Variants in FHIP2A observed in about 807,000 individuals in gnomAD.
The protein encoded by FHIP2A is family with sequence similarity 160 member B1.
Under a neutral mutation model 93.5 loss-of-function variants are expected in FHIP2A, and 46 were observed. The ratio of observed to expected loss-of-function variants is 0.49; its 90% CI spans 0.39 to 0.63. The LOEUF (loss-of-function observed/expected upper bound fraction) is 0.63, where lower values mean the gene tolerates loss of function less well. Ranked by LOEUF, FHIP2A falls within the 20% of genes least tolerant of loss-of-function variation. FHIP2A has a pLI of 0.00. For missense variants in FHIP2A, 769 were observed against 909.7 expected (o/e 0.85, Z 1.99); for synonymous variants, 332 against 326.5 (o/e 1.02, Z -0.18).
chr10:114,836,081 A>C, intron 4 of FHIP2A, 43 bp from the exon 5 acceptor site: 1 of 1,483,858 alleles, frequency 6.7e-7, no homozygotes, highest in South Asian at 1.3e-5. Context: ...AATTTGTAAA[A>C]AGTAGCCTAA....
intron 5 of FHIP2A, 61 bp downstream of exon 5, chr10:114,836,307 G>A (rs1421272766): frequency 4.7e-6 from 6 of 1,283,250 alleles, no homozygotes; most frequent in African/African-American, 1.5e-5. Flanking sequence ...TATGAAAATT[G>A]AATTATGTGA....
At chr10:114,871,613 T>C (rs1298152138) in intron 16 of FHIP2A, among the ~76,000 whole-genome samples, 1 of 152,202 alleles carries the variant, frequency 6.6e-6, no homozygotes, top group Non-Finnish European at 1.5e-5. Context: ...CAGAAACCTC[T>C]ATTACATAAT....
At chr10:114,877,541 C>T (rs537074439) in intron 16 of FHIP2A, among the ~76,000 whole-genome samples, 67 of 152,078 alleles carry the variant, frequency 4.4e-4, no homozygotes, top group African/African-American at 1.5e-3. Context: ...CATAGCGGTT[C>T]GGGCCCCACA....
rs758507614 is a variant in FHIP2A at position 114,845,420 on chromosome 10, C to T, written c.1067C>T (p.Ala356Val). 3 of 1,613,470 alleles carry T rather than the reference C, an allele frequency of 1.9e-6. No homozygotes were observed. The highest frequency in any genetic ancestry group is 2.5e-6 in the Non-Finnish European group (3 of 1,179,630). ...GCTTCAGCATTTCCAGGAAAACGAG[C>T]CTTAATTTCATTTCTTTCCTGGTTT... ...EDASAFPGKR[A>V]LISFLSWFDY... Residue 356 changes from alanine (A) to valine (V), a missense_variant, in exon 8 of 17, where the codon GCC (alanine) becomes GTC (valine). Physicochemically the swap from Ala to Val is moderately conservative, Grantham distance 64. Transcript: ENST00000369248.
chr10:114,864,046 C>A lies in FHIP2A; in HGVS notation c.*2506C>A. On this transcript the variant is annotated 3_prime_UTR_variant, in exon 17 of 17. Transcript: ENST00000369248. ...CTTTCTCGTAATGTATCTGTTTGTGCAATATGGAAGCTGTGAGTGGATTCA... is the reference window on the plus strand; with the variant it reads ...CTTTCTCGTAATGTATCTGTTTGTGAAATATGGAAGCTGTGAGTGGATTCA... 1 of 992,170 alleles carries A rather than the reference C, an allele frequency of 1.0e-6. No individual in the cohort carries two copies. Among genetic ancestry groups the A allele is most frequent in the Non-Finnish European group, 1.2e-6 (1 of 834,200 alleles). 61.5% of individuals were successfully genotyped at this position (992,170 alleles called of 1,614,324 possible).
chr10:114,863,919 G>A lies in FHIP2A; in HGVS notation c.*2379G>A, dbSNP rs1042915776. ...TTTTTTAAAACTTTCTAACAATATA[G>A]TCTTTGGATTTGTTTTTAGTTATGA... On this transcript the variant is annotated 3_prime_UTR_variant, in exon 17 of 17. Coordinates refer to ENST00000369248, the MANE Select transcript of FHIP2A (RefSeq NM_020940.4). The A allele has an allele frequency of 1.9e-6, 2 of 1,072,446 alleles. No individual in the cohort carries two copies. The highest frequency in any genetic ancestry group is 3.4e-5 in the African/African-American group (2 of 58,350). 66.4% of individuals were successfully genotyped at this position (1,072,446 alleles called of 1,614,324 possible). A position where few individuals can be genotyped will look rare whatever the true frequency, so the allele number is the denominator to read the frequency against.
chr10:114,899,516 A>G, exon 17 of FHIP2A: 1 of 718,514 alleles, frequency 1.4e-6, no homozygotes, highest in Non-Finnish European at 2.6e-6. Context: ...TGGTGGTAAG[A>G]GGGATTCCAG....
Position 114,846,728 on chromosome 10 carries a change from T to C in FHIP2A, c.1568T>C (p.Val523Ala). 1 of 1,588,194 alleles carries C rather than the reference T, an allele frequency of 6.3e-7. No homozygotes were observed. The highest frequency in any genetic ancestry group is 8.5e-7 in the Non-Finnish European group (1 of 1,171,594). The change falls in exon 11 of 17, where the codon GTA becomes GCA. Residue 523 changes from valine to alanine, a missense_variant and splice_region_variant. Physicochemically the swap from Val to Ala is moderately conservative, Grantham distance 64. Coordinates refer to ENST00000369248, the MANE Select transcript of FHIP2A (RefSeq NM_020940.4). Reference sequence around the variant, plus strand: ...GAAAATGGATTGATAGCAGGAGCAGTGTAAGTTTCCATCCAACTCCGTGAG... The same window carrying C: ...GAAAATGGATTGATAGCAGGAGCAGCGTAAGTTTCCATCCAACTCCGTGAG... ...VVENGLIAGAVDLEEDPLFTD... is the reference protein window; with the variant it reads ...VVENGLIAGAADLEEDPLFTD...
chr10:114,861,547 T>C lies in FHIP2A; in HGVS notation c.*7T>C. 2 of 1,612,538 alleles carry C rather than the reference T, an allele frequency of 1.2e-6. No individual in the cohort carries two copies. The highest frequency in any genetic ancestry group is 1.7e-6 in the Non-Finnish European group (2 of 1,179,852). On this transcript the variant is annotated 3_prime_UTR_variant, in exon 17 of 17. Coordinates refer to ENST00000369248, the MANE Select transcript of FHIP2A (RefSeq NM_020940.4). ...TGCTTCCTCCACACCATAAATAACA[T>C]CTTTCATGTAACTGGGGGAACAGAA...
chr10:114,864,420 T>A lies in FHIP2A; in HGVS notation c.*2880T>A. On this transcript the variant is annotated 3_prime_UTR_variant, in exon 17 of 17. Coordinates refer to ENST00000369248, the MANE Select transcript of FHIP2A (RefSeq NM_020940.4). ...TTATGTGTTAAAACATGGTAGATAA[T>A]CACATTTTCTGGGCCCTGTAAAATA... The A allele has an allele frequency of 3.0e-6, 3 of 985,812 alleles. No homozygotes were observed. The highest frequency in any genetic ancestry group is 3.6e-6 in the Non-Finnish European group (3 of 829,884). 61.1% of individuals were successfully genotyped at this position (985,812 alleles called of 1,614,324 possible).
Position 114,861,497 on chromosome 10 carries a change from C to T in FHIP2A, c.2255C>T (p.Ala752Val). Residue 752 changes from alanine (A) to valine (V), a missense_variant, in exon 17 of 17, where the codon GCG (alanine) becomes GTG (valine). By Grantham distance (64) the Ala-to-Val change is moderately conservative (BLOSUM62 0). Coordinates refer to ENST00000369248, the MANE Select transcript of FHIP2A (RefSeq NM_020940.4). ...TTAGAAGAGTTCTGTAAGGAGCTGG[C>T]GGCAATCGCATTTGTAAAATATCAT... is the stretch of plus-strand genomic sequence containing the variant. ...IVLEEFCKEL[A>V]AIAFVKYHAS... The T allele has an allele frequency of 6.2e-7, 1 of 1,613,922 alleles. No individual in the cohort carries two copies. The highest frequency in any genetic ancestry group is 8.5e-7 in the Non-Finnish European group (1 of 1,179,958).
chr10:114,851,044 G>C (rs1266623491), intron 13 of FHIP2A, among the ~76,000 whole-genome samples: 2 of 152,136 alleles, frequency 1.3e-5, no homozygotes, highest in Non-Finnish European at 2.9e-5. Flanking sequence ...CTCCCGAGTA[G>C]CTGGGATTAC....
chr10:114,858,881 C>T (rs764234479), intron 14 of FHIP2A, among the ~76,000 whole-genome samples: 2 of 151,962 alleles, frequency 1.3e-5, no homozygotes, highest in Non-Finnish European at 2.9e-5. Context: ...GTTCCCAACA[C>T]GAAGAAAAGA....
intron 5 of FHIP2A, among the ~76,000 whole-genome samples, chr10:114,840,596 C>A (rs1170656842): frequency 6.6e-6 from 1 of 152,160 alleles, no homozygotes; most frequent in Non-Finnish European, 1.5e-5. Context: ...GTAACAAGGA[C>A]TACGACCAAG....
At chr10:114,832,047 AC>A (rs1188377945) in intron 2 of FHIP2A, among the ~76,000 whole-genome samples, 1 of 152,194 alleles carries the variant, frequency 6.6e-6, no homozygotes, top group African/African-American at 2.4e-5. Context: ...CTATAGAAGT[AC>A]AAAGTAAATG....
chr10:114,865,968 T>G (rs2083826859), downstream of FHIP2A, among the ~76,000 whole-genome samples: 1 of 151,922 alleles, frequency 6.6e-6, no homozygotes, highest in African/African-American at 2.4e-5. Flanking sequence ...TGTTTGTTTG[T>G]TTTTTTTAAT....
At chr10:114,855,414 G>A (rs1200795338) in intron 14 of FHIP2A, 74 bp downstream of exon 14, 2 of 1,241,028 alleles carry the variant, frequency 1.6e-6, no homozygotes, top group Non-Finnish European at 2.2e-6. Flanking sequence ...AGTCTTAGTA[G>A]ATCTTCAATA....
Position 114,861,485 on chromosome 10 carries a change from G to A in FHIP2A, c.2243G>A (p.Cys748Tyr). ...GGTGTGATTGTGTTAGAAGAGTTCT[G>A]TAAGGAGCTGGCGGCAATCGCATTT... Reference protein sequence around the residue: ...LEGVIVLEEFCKELAAIAFVK... With the variant: ...LEGVIVLEEFYKELAAIAFVK... Residue 748 changes from cysteine (C) to tyrosine (Y), a missense_variant, in exon 17 of 17, where the codon TGT (cysteine) becomes TAT (tyrosine). Physicochemically the swap from Cys to Tyr is radical, Grantham distance 194 (BLOSUM62 -2). Transcript: ENST00000369248. The A allele has an allele frequency of 6.2e-7, 1 of 1,614,068 alleles. No homozygotes were observed. The highest frequency in any genetic ancestry group is 8.5e-7 in the Non-Finnish European group (1 of 1,180,006).
intron 1 of FHIP2A, among the ~76,000 whole-genome samples, chr10:114,828,135 C>T (rs148739730): frequency 0.012 from 1,824 of 152,110 alleles, 17 homozygotes; most frequent in Non-Finnish European, 0.016. Flanking sequence ...CATGTTTGAA[C>T]AAGATTATTA....
Sources: gnomAD v4.1 joint callset for allele counts (sites outside exome capture counted in the v4.1 genomes callset) on GRCh38, gnomAD v4.1.1 for gene constraint, MANE v1.5 for transcripts, NCBI Gene and HGNC (gene_info 2026-07-23, HGNC 2026-07-21) for gene names.